Variants in ADAMTSL1 observed in about 807,000 individuals in gnomAD.
ADAMTSL1 encodes the protein ADAMTS like 1.
Under a neutral mutation model 201.8 loss-of-function variants are expected in ADAMTSL1, and 126 were observed. The observed-to-expected ratio is 0.62, with a 90% CI of 0.54 to 0.72. The LOEUF (loss-of-function observed/expected upper bound fraction) is 0.72, where lower values mean the gene tolerates loss of function less well. Ranked by LOEUF, ADAMTSL1 falls within the 30% of genes least tolerant of loss-of-function variation. ADAMTSL1 has a pLI of 0.00. For synonymous variants in ADAMTSL1, 1,121 were observed against 903.4 expected, an observed-to-expected ratio of 1.24 and a Z score of -4.32; for missense variants, 2,679 against 2,277.8, an observed-to-expected ratio of 1.18 and a Z score of -3.59.
At chr9:18,837,031 G>A (rs7026089) in intron 23 of ADAMTSL1, among the ~76,000 whole-genome samples, 60,910 of 151,906 alleles carry the variant, frequency 0.4, 12,688 homozygotes, top group Non-Finnish European at 0.46. Context: ...TTTTCTAGAT[G>A]TATAATCATA....
intron 13 of ADAMTSL1, among the ~76,000 whole-genome samples, chr9:18,701,353 G>C (rs539019912): frequency 3.3e-5 from 5 of 151,680 alleles, no homozygotes; most frequent in Non-Finnish European, 7.4e-5. Context: ...CTGAATAGCT[G>C]GGATCACAGG....
intron 2 of ADAMTSL1, among the ~76,000 whole-genome samples, chr9:18,287,117 T>C (rs962236051): frequency 6.6e-6 from 1 of 152,150 alleles, no homozygotes; most frequent in African/African-American, 2.4e-5. Context: ...GCAGCCTCCC[T>C]CCAGGATCCA....
intron 1 of ADAMTSL1, among the ~76,000 whole-genome samples, chr9:17,915,152 C>G (rs1400736495): frequency 1.6e-4 from 25 of 152,130 alleles, no homozygotes; most frequent in Non-Finnish European, 7.3e-5. Context: ...CTGAAGTTTC[C>G]TCATTACCCT....
intron 1 of ADAMTSL1, among the ~76,000 whole-genome samples, chr9:18,501,453 A>G (rs934575061): frequency 1.3e-5 from 2 of 150,778 alleles, no homozygotes; most frequent in African/African-American, 2.4e-5. Flanking sequence ...CAAGGCTGCA[A>G]TGATCGTGTC....
At chr9:18,193,026 C>T (rs1829032544) in intron 2 of ADAMTSL1, among the ~76,000 whole-genome samples, 1 of 152,044 alleles carries the variant, frequency 6.6e-6, no homozygotes, top group Admixed American at 6.6e-5. Context: ...GTGCTGAAGA[C>T]ATTAAGAGTG....
At chr9:18,268,505 A>G (rs557563376) in intron 2 of ADAMTSL1, among the ~76,000 whole-genome samples, 1 of 152,196 alleles carries the variant, frequency 6.6e-6, no homozygotes, top group Non-Finnish European at 1.5e-5. Context: ...AGCAGGGGAC[A>G]TTGAAAACTA....
At chr9:18,512,350 A>G (rs1383433456) in intron 2 of ADAMTSL1, among the ~76,000 whole-genome samples, 2 of 152,150 alleles carry the variant, frequency 1.3e-5, no homozygotes, top group African/African-American at 4.8e-5. Context: ...ATTTGTTGGA[A>G]TAAAAGATGG....
At chr9:18,563,430 TA>T (rs1821665414) in intron 3 of ADAMTSL1, among the ~76,000 whole-genome samples, 1 of 152,138 alleles carries the variant, frequency 6.6e-6, no homozygotes, top group Admixed American at 6.5e-5. Context: ...GGAGCTCTCC[TA>T]TATGAGGTGT....
intron 2 of ADAMTSL1, among the ~76,000 whole-genome samples, chr9:18,251,228 A>G (rs1831453538): frequency 6.6e-6 from 1 of 152,228 alleles, no homozygotes; most frequent in Admixed American, 6.5e-5. Context: ...TGGAAGACAT[A>G]TCTAGAACAC....
chr9:18,314,313 C>G (rs912012126), intron 2 of ADAMTSL1, among the ~76,000 whole-genome samples: 1 of 152,088 alleles, frequency 6.6e-6, no homozygotes, highest in Non-Finnish European at 1.5e-5. Flanking sequence ...ACTATTGTGT[C>G]CGGAATTGGT....
At chr9:18,390,674 A>G (rs1330597899) in intron 2 of ADAMTSL1, among the ~76,000 whole-genome samples, 2 of 152,242 alleles carry the variant, frequency 1.3e-5, no homozygotes, top group African/African-American at 4.8e-5. Context: ...GAACACCTCA[A>G]GAGAAATCTT....
chr9:18,283,133 G>A (rs1233848537), intron 2 of ADAMTSL1, among the ~76,000 whole-genome samples: 2 of 151,874 alleles, frequency 1.3e-5, no homozygotes, highest in Non-Finnish European at 2.9e-5. Context: ...TTGTTGTTAG[G>A]TGCATAAGTT....
At chr9:18,900,781 G>T (rs1458982282) in intron 26 of ADAMTSL1, among the ~76,000 whole-genome samples, 1 of 151,470 alleles carries the variant, frequency 6.6e-6, no homozygotes, top group East Asian at 1.9e-4. Flanking sequence ...TTGGCGGTGG[G>T]GGTGGGGGTG....
chr9:18,351,142 T>C (rs1469968756), intron 2 of ADAMTSL1, among the ~76,000 whole-genome samples: 1 of 151,856 alleles, frequency 6.6e-6, no homozygotes, highest in Non-Finnish European at 1.5e-5. Context: ...ATGAATGCCT[T>C]GCATCTAGAT....
chr9:18,851,330 C>T (rs1435247649), intron 23 of ADAMTSL1, among the ~76,000 whole-genome samples: 1 of 152,092 alleles, frequency 6.6e-6, no homozygotes, highest in Non-Finnish European at 1.5e-5. Flanking sequence ...AATACCTGCT[C>T]TATGAATTTA....
chr9:18,280,084 C>T (rs550132948), intron 2 of ADAMTSL1, among the ~76,000 whole-genome samples: 136 of 151,826 alleles, frequency 9.0e-4, no homozygotes, highest in Non-Finnish European at 2.8e-4. Flanking sequence ...TTTTTTGAAG[C>T]GTGAGGGTAT....
At chr9:18,202,257 A>G (rs1260010963) in intron 2 of ADAMTSL1, among the ~76,000 whole-genome samples, 1 of 152,194 alleles carries the variant, frequency 6.6e-6, no homozygotes, top group South Asian at 2.1e-4. Context: ...AGAAATTTCA[A>G]CAGATTTCTT....
In ADAMTSL1 at chr9:18,297,212, G is replaced by A. The variant is rs1833510061; in HGVS notation, c.207+133231G>A. On this transcript the variant is annotated intron_variant, in intron 2 of 29. Coordinates refer to the ADAMTSL1 transcript ENST00000680146. The stretch of plus-strand genomic sequence containing the variant: ...TCTGTGTAATGCTGCAGATTACTGG[G>A]GATTGCCAGGGACTTACTGCACAGT... Among the ~76,000 whole-genome samples, 7 of 152,068 alleles carry A rather than the reference G, an allele frequency of 4.6e-5. No homozygotes were observed. In the South Asian group the frequency reaches 1.2e-3, roughly 27 times the overall value.
At chr9:17,916,057 T>C (rs1826079344) in intron 1 of ADAMTSL1, among the ~76,000 whole-genome samples, 1 of 152,186 alleles carries the variant, frequency 6.6e-6, no homozygotes, top group South Asian at 2.1e-4. Flanking sequence ...GTAGCAGGGA[T>C]GACAGGTGCG....
Sources: gnomAD v4.1 joint callset for allele counts (sites outside exome capture counted in the v4.1 genomes callset) on GRCh38, gnomAD v4.1.1 for gene constraint, MANE v1.5 for transcripts, NCBI Gene and HGNC (gene_info 2026-07-23, HGNC 2026-07-21) for gene names.